CHTF18: variants seen among roughly 807,000 people sequenced by gnomAD.
CHTF18 encodes the protein chromosome transmission fidelity protein 18 homolog.
In CHTF18, 151 loss-of-function variants were observed where a neutral mutation model predicts 113.4. The ratio of observed to expected loss-of-function variants is 1.33; its 90% CI spans 1.17 to 1.52. The LOEUF is 1.52. CHTF18 is among the 40% of genes most tolerant of loss of function. CHTF18 has a pLI of 0.00. For missense variants in CHTF18, 1,982 were observed against 1,381.6 expected, an observed-to-expected ratio of 1.43 and a Z score of -6.89; for synonymous variants, 916 against 598.8, an observed-to-expected ratio of 1.53 and a Z score of -7.74.
chr16:790,203 A>G lies in CHTF18; in HGVS notation c.633A>G (p.Arg211=). The G allele has an allele frequency of 6.2e-7, 1 of 1,604,228 alleles. No homozygotes were observed. Residue 211 remains arginine (R), a synonymous_variant, in exon 5 of 22, where the codon CGA becomes CGG. Coordinates refer to ENST00000262315, the MANE Select transcript of CHTF18 (RefSeq NM_022092.3). The part of the protein sequence containing the change: ...VQGSLLHVPW[R]GGGQLDLLGV... ...GCTCTCTCCTCCACGTCCCATGGCG[A>G]GGCGGTGGCCAGCTGGACCTGCTGG... is the stretch of plus-strand genomic sequence containing the variant.
rs1016904603 is a variant in CHTF18, at chr16:794,925, C to T, written c.1951-207C>T. 1.4e-5 allele frequency: 8 copies of T among 586,308 alleles called. No homozygotes were observed. In the Admixed American group the frequency reaches 2.2e-4, roughly 16 times the overall value. The allele number at this position is 586,308 out of a possible 1,614,324, so 36.3% of individuals were successfully genotyped here. On this transcript the variant is annotated intron_variant, in intron 15 of 21. Coordinates refer to ENST00000262315, the MANE Select transcript of CHTF18 (RefSeq NM_022092.3). Reference sequence around the variant, plus strand: ...GAGGATGCTCAGGGTGGACCCTCCCCCGACCCCTTGGGCCCAGTGACCCCT... The same window carrying T: ...GAGGATGCTCAGGGTGGACCCTCCCTCGACCCCTTGGGCCCAGTGACCCCT...
Position 797,764 on chromosome 16 carries a change from G to T in CHTF18, c.2791+13G>T, listed in dbSNP as rs767808713. The T allele has an allele frequency of 3.7e-6, 6 of 1,604,780 alleles. No homozygotes were observed. The Admixed American group carries it at 6.7e-5, about 18-fold the overall frequency. On this transcript the variant is annotated intron_variant, in intron 21 of 21. Coordinates refer to ENST00000262315, the MANE Select transcript of CHTF18 (RefSeq NM_022092.3). ...GTCCCGAGTGCAGGTGTGTGTGGGG[G>T]TGTTGTGGGGTTGTGGGGGGCCTGG...
chr16:789,492 T>G, intron 3 of CHTF18, 55 bp from the exon 4 acceptor site: 1 of 1,553,406 alleles, frequency 6.4e-7, no homozygotes, highest in Non-Finnish European at 8.7e-7. Context: ...GACACCCATA[T>G]CCAAGGGTGA....
chr16:792,395 G>T, intron 10 of CHTF18, 44 bp from the exon 11 acceptor site: 1 of 1,561,596 alleles, frequency 6.4e-7, no homozygotes, highest in Non-Finnish European at 8.7e-7. Context: ...CAGGCAGGCG[G>T]GCAGCAGGGC....
rs766957989 is a variant in CHTF18 at position 791,360 on chromosome 16, C to T, written c.1094C>T (p.Pro365Leu). 2.6e-5 allele frequency: 42 copies of T among 1,602,646 alleles called. No homozygotes were observed. Among genetic ancestry groups the T allele is most frequent in the Middle Eastern group, 1.8e-4 (1 of 5,414 alleles). ...GCTGGGCTGGACCCGAGCCAGCGAC[C>T]GAAGCAGAAGGTGAGCCCCGCTGGC... Reference protein sequence around the residue: ...LEAGLDPSQRPKQKVALLCGP... With the variant: ...LEAGLDPSQRLKQKVALLCGP... Residue 365 changes from proline (P) to leucine (L), a missense_variant, in exon 8 of 22, where the codon CCG becomes CTG. Coordinates refer to ENST00000262315, the MANE Select transcript of CHTF18 (RefSeq NM_022092.3).
chr16:793,555 A>T, intron 14 of CHTF18: 1 of 572,542 alleles, frequency 1.7e-6, no homozygotes, highest in Non-Finnish European at 3.1e-6. Flanking sequence ...GCGCCCCTTG[A>T]CTCAGCTGCT....
chr16:796,836 C>T lies in CHTF18; in HGVS notation c.2576C>T (p.Ser859Phe), dbSNP rs912332483. 1.2e-6 allele frequency: 2 copies of T among 1,606,994 alleles called. No individual in the cohort carries two copies. Among genetic ancestry groups the T allele is most frequent in the African/African-American group, 1.3e-5 (1 of 74,902 alleles). ...GAGAAGATGCGGCGGGCGGAGGCTT[C>T]TGCCCGGGTAGAGAACAGCCCCCAG... ...EVEKMRRAEA[S>F]ARVENSPQVD... Residue 859 changes from serine (S) to phenylalanine (F), a missense_variant, in exon 19 of 22, where the codon TCT becomes TTT. Transcript: ENST00000262315.
rs2042269552 is a variant in CHTF18 at position 793,951 on chromosome 16, G to A, written c.1803-103G>A. 6 of 1,332,226 alleles carry A rather than the reference G, an allele frequency of 4.5e-6. No individual in the cohort carries two copies. The Admixed American group carries it at 1.2e-4, about 27-fold the overall frequency. The allele number at this position is 1,332,226 out of a possible 1,614,324, so 82.5% of individuals were successfully genotyped here. On this transcript the variant is annotated intron_variant, in intron 14 of 21. Coordinates refer to ENST00000262315, the MANE Select transcript of CHTF18 (RefSeq NM_022092.3). ...CAAGGGCCCTGCTGAGAAGAATGAA[G>A]TGGGTGGCAGCTCTGATGGGGCCTC...
chr16:790,588 C>T lies in CHTF18; in HGVS notation c.816C>T (p.Asp272=), dbSNP rs780079754. The change falls in exon 7 of 22, where the codon GAC becomes GAT. Residue 272 remains aspartate (D), a synonymous_variant. Transcript: ENST00000262315. ...GGGCCCCTGAGGAGGAGCCGACTGACGGTCAAGACGCCTCCAGTCACTGCC... is the reference window on the plus strand; with the variant it reads ...GGGCCCCTGAGGAGGAGCCGACTGATGGTCAAGACGCCTCCAGTCACTGCC... The part of the protein sequence containing the change: ...PLGAPEEEPT[D]GQDASSHCLW... 32 of 1,596,354 alleles carry T rather than the reference C, an allele frequency of 2.0e-5. 1 individual carries two copies. The East Asian group carries it at 4.5e-4, about 23-fold the overall frequency.
intron 18 of CHTF18, 24 bp from the exon 19 acceptor site, chr16:796,693 C>T (rs766015037): frequency 5.7e-6 from 9 of 1,574,086 alleles, no homozygotes; most frequent in African/African-American, 5.4e-5. Flanking sequence ...CTGACCTGCC[C>T]TGGTGTCCCC....
At chr16:794,874 CA>C in intron 15 of CHTF18, 1 of 477,784 alleles carries the variant, frequency 2.1e-6, no homozygotes, top group Non-Finnish European at 3.5e-6. Flanking sequence ...CAGTCTCTGT[CA>C]AGTCAGTCTC....
At chr16:791,987 C>T (rs2042210486) in intron 9 of CHTF18, 39 bp downstream of exon 9, 1 of 1,575,474 alleles carries the variant, frequency 6.3e-7, no homozygotes, top group Non-Finnish European at 8.6e-7. Flanking sequence ...CGCCTTCTGT[C>T]CTGACGTGTT....
intron 14 of CHTF18, 97 bp from the exon 15 acceptor site, chr16:793,957 G>A: frequency 7.3e-7 from 1 of 1,376,608 alleles, no homozygotes; most frequent in South Asian, 1.3e-5. Flanking sequence ...TGAAGTGGGT[G>A]GCAGCTCTGA....
At chr16:789,840 G>T (rs1486209434) in intron 4 of CHTF18, 125 bp downstream of exon 4, 3 of 1,335,540 alleles carry the variant, frequency 2.2e-6, no homozygotes, top group East Asian at 5.1e-5. Flanking sequence ...GGGTGCAGAG[G>T]GGGAGGCTGC....
At chr16:791,543 G>A in intron 8 of CHTF18, 173 bp downstream of exon 8, 1 of 1,435,488 alleles carries the variant, frequency 7.0e-7, no homozygotes, top group Non-Finnish European at 9.1e-7. Flanking sequence ...AACAACTCGG[G>A]GGAAGTCGTT....
rs375498605 is a variant in CHTF18 at position 789,645 on chromosome 16, A to G, written c.536A>G (p.His179Arg). 8.1e-6 allele frequency: 13 copies of G among 1,606,764 alleles called. No homozygotes were observed. In the African/African-American group the frequency reaches 1.2e-4, roughly 15 times the overall value. Residue 179 changes from histidine (H) to arginine (R), a missense_variant, in exon 4 of 22, where the codon CAC becomes CGC. His to Arg is a conservative substitution (Grantham distance 29). Transcript: ENST00000262315. ...RRPPILEDYV[H>R]VTSTEGVRAY... ...CCCCCCATCTTGGAGGACTACGTCC[A>G]CGTGACATCCACGGAGGGCGTCCGG...
At chr16:793,783 G>C (rs74001029) in intron 14 of CHTF18, 5 of 662,830 alleles carry the variant, frequency 7.5e-6, no homozygotes, top group Admixed American at 2.2e-5. Context: ...GCCTGGACCC[G>C]GAGGGGGACT....
chr16:793,637 T>C (rs575830433), intron 14 of CHTF18: 47 of 517,398 alleles, frequency 9.1e-5, no homozygotes, highest in South Asian at 9.0e-4. Flanking sequence ...CTGCCCACAC[T>C]GCTTGGCCTC....
chr16:795,871 G>C (rs1485568857), intron 17 of CHTF18, 37 bp downstream of exon 17: 2 of 1,606,292 alleles, frequency 1.2e-6, no homozygotes, highest in South Asian at 1.1e-5. Context: ...TTCCCCGCCT[G>C]CTGCCCTCCT....
Sources: allele counts gnomAD v4.1 joint callset, GRCh38; gene constraint gnomAD v4.1.1; transcripts MANE v1.5; gene names NCBI Gene and HGNC (gene_info 2026-07-23, HGNC 2026-07-21).